Variants in MICAL3 observed in about 807,000 individuals in gnomAD.
MICAL3 encodes microtubule associated monooxygenase, calponin and LIM domain containing 3, also known as [F-actin]-monooxygenase MICAL3.
MICAL3 carries 62 observed loss-of-function variants against 207.4 expected under a neutral mutation model. The observed-to-expected ratio is 0.30, with a 90% CI of 0.24 to 0.37. MICAL3 has a LOEUF of 0.37. Among genes scored for constraint, MICAL3 ranks in the 10% least tolerant of loss-of-function variants. The pLI is 1.00. For missense variants in MICAL3, 2,368 were observed against 2,635.6 expected (o/e 0.90, Z 2.22); for synonymous variants, 1,077 against 1,069.3 (o/e 1.01, Z -0.14).
intron 1 of MICAL3, among the ~76,000 whole-genome samples, chr22:17,971,523 T>TGCATTCATCTA (rs764187044): frequency 3.9e-5 from 6 of 152,208 alleles, no homozygotes; most frequent in East Asian, 3.9e-4. Context: ...TAGCATTGAC[T>TGCATTCATCTA]GCATTCATCT....
chr22:17,925,070 T>A (rs1932886002), intron 1 of MICAL3, among the ~76,000 whole-genome samples: 1 of 152,138 alleles, frequency 6.6e-6, no homozygotes, highest in African/African-American at 2.4e-5. Flanking sequence ...GGGCTCTGGA[T>A]CCTGGAGAGC....
intron 11 of MICAL3, among the ~76,000 whole-genome samples, 166 bp downstream of exon 11, chr22:17,893,629 AAATGTCCCCAGAC>A (rs1456811250): frequency 1.3e-5 from 2 of 152,124 alleles, no homozygotes; most frequent in Admixed American, 1.3e-4. Flanking sequence ...TGACCATCAA[AAATGTCCCCAGAC>A]AACTACCAAG....
intron 1 of MICAL3, among the ~76,000 whole-genome samples, chr22:18,015,627 A>C (rs2146510019): frequency 6.6e-6 from 1 of 151,962 alleles, no homozygotes. Flanking sequence ...TAGCCAGCTG[A>C]TCTCGAACTC....
chr22:17,912,761 A>G (rs1373303298), intron 1 of MICAL3, among the ~76,000 whole-genome samples: 4 of 152,234 alleles, frequency 2.6e-5, no homozygotes, highest in African/African-American at 7.2e-5. Context: ...ACATAAGATC[A>G]TATCATCTAC....
At chr22:17,991,079 G>A (rs140385264) in intron 1 of MICAL3, among the ~76,000 whole-genome samples, 100 of 152,374 alleles carry the variant, frequency 6.6e-4, no homozygotes, top group Middle Eastern at 3.4e-3. Context: ...CTGGCGTGCA[G>A]ATGAATACTG....
intron 1 of MICAL3, among the ~76,000 whole-genome samples, chr22:17,976,577 ATATATATATATATT>A (rs1569154154): frequency 2.2e-5 from 2 of 91,786 alleles, no homozygotes; most frequent in East Asian, 3.2e-4. Flanking sequence ...ATATATATAT[ATATATATATATATT>A]TTTTTTTTTT....
chr22:17,955,543 G>A (rs1312341154), intron 1 of MICAL3, among the ~76,000 whole-genome samples: 1 of 152,224 alleles, frequency 6.6e-6, no homozygotes, highest in Non-Finnish European at 1.5e-5. Context: ...ACTGCATCCA[G>A]AGAGAGCCCT....
At chr22:17,929,828 A>G (rs927233449) in intron 1 of MICAL3, among the ~76,000 whole-genome samples, 3 of 152,168 alleles carry the variant, frequency 2.0e-5, no homozygotes, top group African/African-American at 7.2e-5. Context: ...TTGGCCTCCC[A>G]AAGTGCTGGG....
chr22:17,962,499 G>A (rs1001721429), intron 1 of MICAL3, among the ~76,000 whole-genome samples: 5 of 152,188 alleles, frequency 3.3e-5, no homozygotes, highest in Admixed American at 6.5e-5. Flanking sequence ...AAGCAGCACC[G>A]CCTGATTGCA....
intron 7 of MICAL3, among the ~76,000 whole-genome samples, chr22:17,898,532 G>C (rs1320093818): frequency 2.0e-5 from 3 of 152,214 alleles, no homozygotes; most frequent in African/African-American, 7.2e-5. Context: ...CTGTAGCTCA[G>C]ACTAAAGTGA....
intron 3 of MICAL3, among the ~76,000 whole-genome samples, chr22:17,903,640 T>G (rs2896000): frequency 0.57 from 86,606 of 152,048 alleles, 25,693 homozygotes; most frequent in African/African-American, 0.74. Flanking sequence ...CATTCCCAAA[T>G]ACTTGTTAAG....
intron 29 of MICAL3, among the ~76,000 whole-genome samples, chr22:17,791,862 A>T (rs2061827761): frequency 6.6e-6 from 1 of 152,232 alleles, no homozygotes; most frequent in Non-Finnish European, 1.5e-5. Flanking sequence ...GTGGCCTATC[A>T]AGCTTCCGGA....
chr22:17,815,978 G>A (rs1920983971), intron 27 of MICAL3, among the ~76,000 whole-genome samples: 1 of 152,248 alleles, frequency 6.6e-6, no homozygotes, highest in Admixed American at 6.5e-5. Flanking sequence ...GAGGCAGGAA[G>A]CAGGAGACAG....
rs113561523 is a variant in MICAL3, at chr22:17,992,925, T to C, written c.-75+31356A>G. ...CTACCTGAAGACTAGAAATGATGTG[T>C]GCGCAGTCTGGCCACGGTAAGGCGA... On this transcript the variant is annotated intron_variant, in intron 1 of 31. Transcript: ENST00000441493. 8.1e-3 allele frequency among the ~76,000 whole-genome samples: 1,239 copies of C among 152,284 alleles called. 16 individuals are homozygous for C. The highest frequency in any genetic ancestry group is 0.029 in the African/African-American group (1,194 of 41,540).
In MICAL3 at chr22:17,803,850, C is replaced by T. The variant is rs1025585565; in HGVS notation, c.5650+4994G>A. The T allele has an allele frequency of 7.1e-6, 7 of 985,676 alleles. No homozygotes were observed. The African/African-American group carries it at 1.0e-4, about 15-fold the overall frequency. 61.1% of individuals were successfully genotyped at this position (985,676 alleles called of 1,614,324 possible). On this transcript the variant is annotated intron_variant, in intron 29 of 31. Transcript: ENST00000441493. ...TCGATGAGGTCACTGTAATAAGACTCTCCCCAATAGTCTACAACAAGGAAT... is the reference window on the plus strand; with the variant it reads ...TCGATGAGGTCACTGTAATAAGACTTTCCCCAATAGTCTACAACAAGGAAT...
intron 20 of MICAL3, among the ~76,000 whole-genome samples, chr22:17,833,736 G>A (rs756286603): frequency 6.6e-6 from 1 of 152,162 alleles, no homozygotes; most frequent in Non-Finnish European, 1.5e-5. Context: ...CCAGTGACCC[G>A]GAGACTGAGA....
In MICAL3 at chr22:17,796,821, A is replaced by G. The variant is rs190330557; in HGVS notation, c.5651-5520T>C. Among the ~76,000 whole-genome samples, 325 of 152,282 alleles carry G rather than the reference A, an allele frequency of 2.1e-3. No individual in the cohort carries two copies. Among genetic ancestry groups the G allele is most frequent in the Admixed American group, 0.014 (217 of 15,300 alleles). On this transcript the variant is annotated intron_variant, in intron 29 of 31. Coordinates refer to ENST00000441493, the MANE Select transcript of MICAL3 (RefSeq NM_015241.3). This position sits in a 1 kb window ranked among gnomAD's most constrained non-coding sequence, Gnocchi z 4.4. Reference sequence around the variant, plus strand: ...CTTCCTAAGTCGGGGTACCCCCTACACTACCACCTGGCCCTTGGCGCACCC... The same window carrying G: ...CTTCCTAAGTCGGGGTACCCCCTACGCTACCACCTGGCCCTTGGCGCACCC...
At chr22:17,997,313 C>A (rs928368955) in intron 1 of MICAL3, among the ~76,000 whole-genome samples, 60 of 152,222 alleles carry the variant, frequency 3.9e-4, no homozygotes, top group Middle Eastern at 3.4e-3. Context: ...ATCTGCCCAC[C>A]TCAACCTCCC....
intron 11 of MICAL3, 64 bp downstream of exon 11, chr22:17,893,744 G>A (rs1930586773): frequency 3.4e-6 from 4 of 1,186,308 alleles, no homozygotes; most frequent in Non-Finnish European, 3.7e-6. Flanking sequence ...TGTGGCTCAG[G>A]GAATGAGTAT....
Sources: allele counts gnomAD v4.1 joint callset (sites outside exome capture counted in the v4.1 genomes callset), GRCh38; gene constraint gnomAD v4.1.1; non-coding constraint Gnocchi (gnomAD v3.1); transcripts MANE v1.5; gene names NCBI Gene and HGNC (gene_info 2026-07-23, HGNC 2026-07-21).